The following MACROD2 variants were observed in gnomAD, a reference collection of about 807,000 sequenced individuals.
The protein encoded by MACROD2 is ADP-ribose glycohydrolase MACROD2.
A neutral mutation model predicts 70.4 loss-of-function variants in MACROD2; 36 were observed. The observed-to-expected ratio is 0.51, with a 90% CI of 0.39 to 0.68. The LOEUF is 0.68. MACROD2 is among the 30% of genes least tolerant of loss of function. The pLI is 0.00. For missense variants in MACROD2, 496 were observed against 538.4 expected (o/e 0.92, Z 0.78); for synonymous variants, 172 against 178.8 (o/e 0.96, Z 0.30).
At chr20:14,190,803 G>A (rs1242978686) in intron 3 of MACROD2, among the ~76,000 whole-genome samples, 1 of 137,942 alleles carries the variant, frequency 7.2e-6, no homozygotes, top group African/African-American at 2.8e-5. Context: ...CGCCTCCCAG[G>A]TTCATGCCAT....
intron 5 of MACROD2, among the ~76,000 whole-genome samples, chr20:15,119,766 G>A (rs1222899055): frequency 2.0e-5 from 3 of 152,122 alleles, no homozygotes; most frequent in Non-Finnish European, 4.4e-5. Context: ...TTAATATTTG[G>A]GAAACTAAAC....
At chr20:14,243,233 A>G (rs1488256479) in intron 3 of MACROD2, among the ~76,000 whole-genome samples, 2 of 152,216 alleles carry the variant, frequency 1.3e-5, no homozygotes, top group African/African-American at 2.4e-5. Context: ...GCTCTTTTGC[A>G]TAGGGTGAAT....
intron 5 of MACROD2, among the ~76,000 whole-genome samples, chr20:14,772,935 T>G (rs930931831): frequency 2.0e-5 from 3 of 152,060 alleles, no homozygotes; most frequent in Admixed American, 2.0e-4. Context: ...CAATTTCTGG[T>G]ATTACTTTAG....
intron 12 of MACROD2, among the ~76,000 whole-genome samples, chr20:15,947,394 T>C (rs2065839855): frequency 6.6e-6 from 1 of 152,032 alleles, no homozygotes; most frequent in Non-Finnish European, 1.5e-5. Flanking sequence ...CCTGGTTTAT[T>C]GAGACTGGAG....
At chr20:16,034,302 T>C (rs1027624046) in intron 15 of MACROD2, among the ~76,000 whole-genome samples, 3 of 152,030 alleles carry the variant, frequency 2.0e-5, no homozygotes, top group Non-Finnish European at 2.9e-5. Context: ...TCAGCTTCTC[T>C]TCAAGCTGGT....
At chr20:15,990,447 T>G (rs2066542689) in intron 15 of MACROD2, among the ~76,000 whole-genome samples, 1 of 152,174 alleles carries the variant, frequency 6.6e-6, no homozygotes, top group Non-Finnish European at 1.5e-5. Flanking sequence ...TGTTTTATTA[T>G]GATATATATT....
chr20:15,502,388 A>G (rs1012888678), intron 8 of MACROD2, among the ~76,000 whole-genome samples: 1 of 152,210 alleles, frequency 6.6e-6, no homozygotes, highest in Non-Finnish European at 1.5e-5. Context: ...CAGAGAGACG[A>G]AAGAATGGCA....
chr20:14,716,715 C>A (rs1052363497), intron 5 of MACROD2, among the ~76,000 whole-genome samples: 3 of 151,932 alleles, frequency 2.0e-5, no homozygotes, highest in African/African-American at 7.3e-5. Context: ...TGGCTTAACA[C>A]GTGAAGTGGG....
At chr20:15,298,752 G>T (rs1341684964) in intron 6 of MACROD2, among the ~76,000 whole-genome samples, 1 of 152,032 alleles carries the variant, frequency 6.6e-6, no homozygotes. Context: ...GTATTTATGG[G>T]GTGCAGTCAT....
At chr20:14,010,709 A>G (rs1402929677) in intron 2 of MACROD2, among the ~76,000 whole-genome samples, 6 of 151,572 alleles carry the variant, frequency 4.0e-5, no homozygotes, top group East Asian at 1.9e-4. Context: ...ATCTCCATCA[A>G]GTTTTCTTCT....
At chr20:15,548,227 A>C (rs2048050068) in intron 8 of MACROD2, among the ~76,000 whole-genome samples, 1 of 152,196 alleles carries the variant, frequency 6.6e-6, no homozygotes, top group South Asian at 2.1e-4. Flanking sequence ...TGATTTATCT[A>C]GGAAAGACCT....
chr20:15,095,527 T>C (rs959531576), intron 5 of MACROD2, among the ~76,000 whole-genome samples: 9 of 152,010 alleles, frequency 5.9e-5, no homozygotes, highest in Non-Finnish European at 1.3e-4. Flanking sequence ...TTGTTTTGTT[T>C]TGTTTTTTGA....
chr20:15,307,066 C>G (rs919341743), intron 6 of MACROD2, among the ~76,000 whole-genome samples: 3 of 152,086 alleles, frequency 2.0e-5, no homozygotes, highest in African/African-American at 7.2e-5. Context: ...ATCCATAAGG[C>G]ACCCCACCCC....
At chr20:14,784,496 A>G (rs2072340176) in intron 5 of MACROD2, among the ~76,000 whole-genome samples, 2 of 152,106 alleles carry the variant, frequency 1.3e-5, no homozygotes, top group South Asian at 4.1e-4. Context: ...TCGGGTTCAT[A>G]GACATCTCTG....
At chr20:14,791,528 T>C (rs1387125042) in intron 5 of MACROD2, among the ~76,000 whole-genome samples, 1 of 151,960 alleles carries the variant, frequency 6.6e-6, no homozygotes, top group African/African-American at 2.4e-5. Context: ...ATATATATAT[T>C]TTTTTCTCTG....
At chr20:15,314,782 G>A (rs1186150581) in intron 6 of MACROD2, among the ~76,000 whole-genome samples, 1 of 152,160 alleles carries the variant, frequency 6.6e-6, no homozygotes, top group Non-Finnish European at 1.5e-5. Context: ...GAAATCCTGG[G>A]AGGAAAAACT....
intron 9 of MACROD2, among the ~76,000 whole-genome samples, chr20:15,868,181 G>A (rs573232201): frequency 1.8e-4 from 27 of 152,244 alleles, no homozygotes; most frequent in South Asian, 8.3e-4. Context: ...ACAGTGTTTC[G>A]ACTGCTGATG....
chr20:15,487,553 A>G (rs572620218), intron 7 of MACROD2, among the ~76,000 whole-genome samples: 26 of 152,302 alleles, frequency 1.7e-4, no homozygotes, highest in African/African-American at 6.3e-4. Context: ...CTGCCATTGT[A>G]TACCCTATCT....
intron 5 of MACROD2, among the ~76,000 whole-genome samples, chr20:15,106,447 A>T (rs1365739544): frequency 1.3e-5 from 2 of 152,190 alleles, no homozygotes; most frequent in African/African-American, 4.8e-5. Context: ...GCAATATGAA[A>T]TGATTGGCTA....
Sources: gnomAD v4.1 joint callset for allele counts (sites outside exome capture counted in the v4.1 genomes callset) on GRCh38, gnomAD v4.1.1 for gene constraint, MANE v1.5 for transcripts, NCBI Gene and HGNC (gene_info 2026-07-23, HGNC 2026-07-21) for gene names.